IL7: variants seen among roughly 807,000 people sequenced by gnomAD.
IL7 encodes the protein interleukin 7.
Under a neutral mutation model 21.6 loss-of-function variants are expected in IL7, and 3 were observed. That is an observed-to-expected ratio of 0.14 (90% CI 0.06 to 0.36). The LOEUF is 0.36. IL7 is among the 10% of genes least tolerant of loss of function. The probability of loss-of-function intolerance (pLI) is 1.00; values close to 1 mark genes in which losing one functional copy is unlikely to be tolerated. For synonymous variants in IL7, 62 were observed against 68.1 expected (o/e 0.91, Z 0.44); for missense variants, 175 against 200.2 (o/e 0.87, Z 0.76).
At chr8:78,786,938 A>G (rs1370127769) in intron 2 of IL7, among the ~76,000 whole-genome samples, 3 of 152,108 alleles carry the variant, frequency 2.0e-5, no homozygotes, top group African/African-American at 4.8e-5. Flanking sequence ...TTGATCACCA[A>G]TGGCCAATGA....
intron 2 of IL7, among the ~76,000 whole-genome samples, chr8:78,767,976 T>G (rs555195515): frequency 6.6e-6 from 1 of 151,626 alleles, no homozygotes; most frequent in African/African-American, 2.4e-5. Context: ...TGTGTCCCTG[T>G]GTTCTCATTG....
Position 78,686,659 on chromosome 8 carries a change from T to C in IL7, n.215-712A>G, listed in dbSNP as rs910936073. On this transcript the variant is annotated intron_variant and non_coding_transcript_variant, in intron 3 of 4. Transcript: ENST00000523959. ...TGTTCATGTGGAAAGAAAATAATGATAGAGTTTTTATAAATTTTCACTTGT... is the reference window on the plus strand; with the variant it reads ...TGTTCATGTGGAAAGAAAATAATGACAGAGTTTTTATAAATTTTCACTTGT... The C allele has an allele frequency of 3.6e-6, 5 of 1,401,336 alleles. No homozygotes were observed. The African/African-American group carries it at 4.5e-5, about 13-fold the overall frequency. The allele number at this position is 1,401,336 out of a possible 1,614,324, so 86.8% of individuals were successfully genotyped here. A position where few individuals can be genotyped will look rare whatever the true frequency, so the allele number is the denominator to read the frequency against.
At chr8:78,676,815 C>CA (rs954471923) in intron 4 of IL7, among the ~76,000 whole-genome samples, 45 of 149,972 alleles carry the variant, frequency 3.0e-4, no homozygotes, top group African/African-American at 8.1e-4. Context: ...AATTTCACAG[C>CA]AAAAAAAAAG....
At chr8:78,726,929 T>C (rs1371860369) in intron 3 of IL7, among the ~76,000 whole-genome samples, 1 of 151,974 alleles carries the variant, frequency 6.6e-6, no homozygotes, top group East Asian at 1.9e-4. Flanking sequence ...CCTTCTTCAG[T>C]GTAAAATAAT....
chr8:78,715,142 C>G (rs1811059647), downstream of IL7: 2 of 1,227,364 alleles, frequency 1.6e-6, no homozygotes, highest in Non-Finnish European at 1.1e-6. Flanking sequence ...AGTATTCTTT[C>G]TAGTCATGTG....
chr8:78,751,974 T>C (rs1033941702), intron 2 of IL7, among the ~76,000 whole-genome samples: 1 of 152,182 alleles, frequency 6.6e-6, no homozygotes, highest in Non-Finnish European at 1.5e-5. Flanking sequence ...TCTACTTCCA[T>C]GAACTCAATT....
intron 3 of IL7, among the ~76,000 whole-genome samples, chr8:78,727,465 A>C (rs1391181201): frequency 6.6e-6 from 1 of 152,052 alleles, no homozygotes; most frequent in African/African-American, 2.4e-5. Flanking sequence ...TCATGTTGAC[A>C]TTCCAAGGAA....
Position 78,800,457 on chromosome 8 carries a change from C to T in IL7, c.11-2249G>A, listed in dbSNP as rs557297949. The stretch of plus-strand genomic sequence containing the variant: ...GGACTACAGGGTGCCCCACCATGCC[C>T]AGCTAATTTTTTAAAATTTGTTTTT... On this transcript the variant is annotated intron_variant, in intron 1 of 5. Transcript: ENST00000263851. Among the ~76,000 whole-genome samples, 13 of 152,114 alleles carry T rather than the reference C, an allele frequency of 8.5e-5. No individual in the cohort carries two copies. The South Asian group carries it at 2.3e-3, about 27-fold the overall frequency.
chr8:78,775,827 G>T (rs1185214559), intron 2 of IL7, among the ~76,000 whole-genome samples: 1 of 152,010 alleles, frequency 6.6e-6, no homozygotes, highest in African/African-American at 2.4e-5. Flanking sequence ...GGATGATACA[G>T]GATAGTCAGG....
At chr8:78,708,551 T>G (rs1810853546) in intron 3 of IL7, among the ~76,000 whole-genome samples, 1 of 151,996 alleles carries the variant, frequency 6.6e-6, no homozygotes, top group East Asian at 1.9e-4. Context: ...TTTTAAACCT[T>G]TTTTTAAATG....
intron 5 of IL7, among the ~76,000 whole-genome samples, chr8:78,735,276 C>CTTTTT: frequency 9.1e-4 from 71 of 78,374 alleles, no homozygotes; most frequent in African/African-American, 1.1e-3. Flanking sequence ...CTTTTCTTTT[C>CTTTTT]TTTTTTTTTT....
chr8:78,792,895 A>G (rs988656045), intron 2 of IL7, among the ~76,000 whole-genome samples: 11 of 152,166 alleles, frequency 7.2e-5, no homozygotes, highest in African/African-American at 2.4e-4. Context: ...GAGTGACCAT[A>G]TAATCCAACA....
chr8:78,773,701 G>A (rs1813040644), intron 2 of IL7, among the ~76,000 whole-genome samples: 1 of 152,126 alleles, frequency 6.6e-6, no homozygotes, highest in Non-Finnish European at 1.5e-5. Flanking sequence ...GTTGAGCAGC[G>A]ATATGGCATG....
At chr8:78,724,624 G>A (rs1430950106) in intron 3 of IL7, among the ~76,000 whole-genome samples, 1 of 151,938 alleles carries the variant, frequency 6.6e-6, no homozygotes, top group Non-Finnish European at 1.5e-5. Context: ...TTGGAAACAT[G>A]CTATTCAATT....
chr8:78,702,504 C>G (rs983366519), intron 3 of IL7, among the ~76,000 whole-genome samples: 1 of 152,012 alleles, frequency 6.6e-6, no homozygotes, highest in Non-Finnish European at 1.5e-5. Context: ...CTTCTGCTAG[C>G]TTTGGGATTT....
At chr8:78,678,426 CTTAT>C (rs574496112) in intron 4 of IL7, 48 of 655,528 alleles carry the variant, frequency 7.3e-5, no homozygotes, top group East Asian at 6.4e-4. Context: ...CAAGGTGTAT[CTTAT>C]TTATTTATTA....
intron 2 of IL7, among the ~76,000 whole-genome samples, chr8:78,770,104 C>G (rs768588613): frequency 6.6e-6 from 1 of 152,164 alleles, no homozygotes; most frequent in Admixed American, 6.5e-5. Context: ...CTAGGCTTTA[C>G]CATTCAGGAC....
intron 3 of IL7, chr8:78,697,537 T>G: frequency 6.5e-7 from 1 of 1,545,798 alleles, no homozygotes; most frequent in Admixed American, 1.8e-5. Flanking sequence ...ACTTGATTTG[T>G]TTTTGAAACC....
chr8:78,698,460 C>CA (rs1810501850), intron 3 of IL7: 7 of 1,613,238 alleles, frequency 4.3e-6, no homozygotes, highest in Non-Finnish European at 5.9e-6. Context: ...CTTTGGGAAA[C>CA]AAACTTCAGA....
Sources: allele counts gnomAD v4.1 joint callset (sites outside exome capture counted in the v4.1 genomes callset), GRCh38; gene constraint gnomAD v4.1.1; transcripts MANE v1.5; gene names NCBI Gene and HGNC (gene_info 2026-07-23, HGNC 2026-07-21).